RBFOX1: variants seen among roughly 807,000 people sequenced by gnomAD.
RBFOX1 encodes RNA binding protein fox-1 homolog 1.
RBFOX1 carries 8 observed loss-of-function variants against 57.7 expected under a neutral mutation model. That is an observed-to-expected ratio of 0.14 (90% CI 0.08 to 0.25). The LOEUF (loss-of-function observed/expected upper bound fraction) is 0.25, where lower values mean the gene tolerates loss of function less well. Among genes scored for constraint, RBFOX1 ranks in the 10% least tolerant of loss-of-function variants. The probability of loss-of-function intolerance (pLI) is 1.00; values close to 1 mark genes in which losing one functional copy is unlikely to be tolerated. For synonymous variants in RBFOX1, 326 were observed against 222.4 expected, an observed-to-expected ratio of 1.47 and a Z score of -4.15; for missense variants, 611 against 548.5, an observed-to-expected ratio of 1.11 and a Z score of -1.14.
At chr16:6,816,230 G>T (rs114712925) in intron 3 of RBFOX1, among the ~76,000 whole-genome samples, 1 of 152,114 alleles carries the variant, frequency 6.6e-6, no homozygotes, top group Non-Finnish European at 1.5e-5. Flanking sequence ...GATTGCTTCA[G>T]TACTGGAGTT....
At chr16:5,562,064 A>C (rs1197996785) in intron 2 of RBFOX1, among the ~76,000 whole-genome samples, 1 of 152,098 alleles carries the variant, frequency 6.6e-6, no homozygotes, top group Non-Finnish European at 1.5e-5. Flanking sequence ...CCAGGGTGAG[A>C]CGCTTTGAAA....
chr16:6,346,233 A>G (rs1449134901), intron 2 of RBFOX1, among the ~76,000 whole-genome samples: 2 of 152,246 alleles, frequency 1.3e-5, no homozygotes, highest in Non-Finnish European at 2.9e-5. Context: ...TAATGAGCCC[A>G]AAACAAGCAA....
chr16:6,838,796 G>A (rs997017490), intron 3 of RBFOX1, among the ~76,000 whole-genome samples: 1 of 152,060 alleles, frequency 6.6e-6, no homozygotes, highest in Non-Finnish European at 1.5e-5. Context: ...GCCTCAAAAG[G>A]ATATATCAGA....
intron 4 of RBFOX1, among the ~76,000 whole-genome samples, chr16:7,368,271 A>T (rs1261568879): frequency 6.6e-6 from 1 of 151,922 alleles, no homozygotes; most frequent in Non-Finnish European, 1.5e-5. Flanking sequence ...TCTCGAAAAA[A>T]AAAAAAAAGA....
chr16:6,960,343 A>T (rs1186100134), intron 3 of RBFOX1, among the ~76,000 whole-genome samples: 1 of 152,162 alleles, frequency 6.6e-6, no homozygotes, highest in Admixed American at 6.5e-5. Context: ...ACAGGTAGAC[A>T]TATAGCTTAG....
chr16:6,055,561 C>A (rs1480188918), intron 1 of RBFOX1, among the ~76,000 whole-genome samples: 1 of 140,334 alleles, frequency 7.1e-6, no homozygotes, highest in Non-Finnish European at 1.5e-5. Flanking sequence ...CCACTGCACT[C>A]CAGCTTGGGC....
intron 3 of RBFOX1, among the ~76,000 whole-genome samples, chr16:6,814,252 G>GGGT (rs1567367396): frequency 1.4e-5 from 2 of 143,574 alleles, no homozygotes; most frequent in African/African-American, 5.0e-5. Context: ...AATTGTGGTG[G>GGGT]GGGGGAGGGA....
rs147924020 is a variant in RBFOX1, at chr16:6,826,671, C to G, written c.-16+172021C>G. On this transcript the variant is annotated intron_variant, in intron 3 of 15. Transcript: ENST00000550418. ...CTTTTTTTCTTTGTTTGCTACCAGC[C>G]TAAGAGCTCAGGAGAGAGGACTAAC... Among the ~76,000 whole-genome samples the G allele has an allele frequency of 5.0e-3, 768 of 152,110 alleles. 7 individuals are homozygous for G. Among genetic ancestry groups the G allele is most frequent in the Middle Eastern group, 0.02 (6 of 294 alleles).
intron 4 of RBFOX1, among the ~76,000 whole-genome samples, chr16:7,139,202 GTGTGTGTT>G (rs1567416592): frequency 4.6e-5 from 7 of 151,912 alleles, no homozygotes; most frequent in African/African-American, 1.7e-4. Context: ...GTGTGTATGT[GTGTGTGTT>G]TGTGTGTGTG....
At chr16:6,631,018 A>G (rs563279077) in intron 2 of RBFOX1, among the ~76,000 whole-genome samples, 1 of 152,130 alleles carries the variant, frequency 6.6e-6, no homozygotes, top group Non-Finnish European at 1.5e-5. Flanking sequence ...TTGGTTGTCA[A>G]CCCAGCTGGA....
intron 3 of RBFOX1, among the ~76,000 whole-genome samples, chr16:5,737,511 A>G (rs1467919655): frequency 1.4e-5 from 2 of 146,070 alleles, no homozygotes; most frequent in East Asian, 4.2e-4. Context: ...AAATTAAAAC[A>G]AAAATATTCT....
intron 2 of RBFOX1, among the ~76,000 whole-genome samples, chr16:5,552,081 G>A (rs2045487754): frequency 6.6e-6 from 1 of 152,128 alleles, no homozygotes; most frequent in Non-Finnish European, 1.5e-5. Context: ...GAAACAGACT[G>A]TGTCGTGTTA....
chr16:5,989,471 G>A (rs185447668), intron 4 of RBFOX1, among the ~76,000 whole-genome samples: 31 of 152,264 alleles, frequency 2.0e-4, no homozygotes, highest in African/African-American at 7.2e-4. Context: ...CACAGGAAAT[G>A]GAGGCAATTT....
intron 1 of RBFOX1, among the ~76,000 whole-genome samples, chr16:6,079,361 G>T (rs72772860): frequency 0.077 from 11,664 of 152,220 alleles, 591 homozygotes; most frequent in East Asian, 0.2. Context: ...TGCCAGGTTG[G>T]AGTGTGGCAG....
At position 5,594,349 on chromosome 16, in the gene RBFOX1, C is replaced by T. The variant is rs181795793; in HGVS notation, c.259-4553C>T. On this transcript the variant is annotated intron_variant, in intron 2 of 2. Transcript: ENST00000585867. ...GAATATGTCTGTGAGCCCCGAAAAT[C>T]TGAGACACAGGTCTCAGTTAATTTA... Among the ~76,000 whole-genome samples the T allele has an allele frequency of 8.3e-4, 126 of 152,284 alleles. 2 individuals carry two copies. Among genetic ancestry groups the T allele is most frequent in the Middle Eastern group, 3.4e-3 (1 of 294 alleles).
At chr16:7,049,291 A>G (rs2049115866) in intron 3 of RBFOX1, among the ~76,000 whole-genome samples, 1 of 152,140 alleles carries the variant, frequency 6.6e-6, no homozygotes, top group Non-Finnish European at 1.5e-5. Flanking sequence ...AAATAAAGAA[A>G]AGCAATGGGA....
chr16:7,607,374 C>G (rs771150910), intron 10 of RBFOX1, 36 bp downstream of exon 10: 16 of 1,583,670 alleles, frequency 1.0e-5, no homozygotes, highest in South Asian at 4.6e-5. Flanking sequence ...TCTTCTCAGT[C>G]TTTTCTAAAT....
chr16:6,996,584 C>T (rs556917726), intron 3 of RBFOX1, among the ~76,000 whole-genome samples: 9 of 152,266 alleles, frequency 5.9e-5, no homozygotes, highest in African/African-American at 9.6e-5. Flanking sequence ...ACTAGCCCAA[C>T]GACTTTATGC....
intron 1 of RBFOX1, among the ~76,000 whole-genome samples, chr16:6,147,129 C>G (rs556541609): frequency 2.6e-5 from 4 of 152,154 alleles, no homozygotes; most frequent in Non-Finnish European, 5.9e-5. Context: ...CAGAGAAATA[C>G]TTTGTTGAAG....
Sources: allele counts gnomAD v4.1 joint callset (sites outside exome capture counted in the v4.1 genomes callset), GRCh38; gene constraint gnomAD v4.1.1; transcripts MANE v1.5; gene names NCBI Gene and HGNC (gene_info 2026-07-23, HGNC 2026-07-21).